The following PARP15 variants were observed in gnomAD, a reference collection of about 807,000 sequenced individuals.
PARP15 encodes protein mono-ADP-ribosyltransferase PARP15.
Under a neutral mutation model 62.1 loss-of-function variants are expected in PARP15, and 50 were observed. The ratio of observed to expected loss-of-function variants is 0.81; its 90% CI spans 0.64 to 1.02. PARP15 has a LOEUF of 1.02. Among genes scored for constraint, PARP15 ranks in the 50% least tolerant of loss-of-function variants. The probability of loss-of-function intolerance (pLI) is 0.00; values close to 1 mark genes in which losing one functional copy is unlikely to be tolerated. For missense variants in PARP15, 820 were observed against 826.5 expected (o/e 0.99, Z 0.10); for synonymous variants, 309 against 293.1 (o/e 1.05, Z -0.55).
chr3:122,577,819 G>A lies in PARP15; in HGVS notation c.152G>A (p.Arg51Gln), dbSNP rs146685706. Residue 51 changes from arginine to glutamine, a missense_variant, in exon 1 of 12, where the codon CGG (arginine) becomes CAG (glutamine). Around this residue, in one of 3 missense-constraint regions of PARP15, gnomAD observed 731 missense variants for 727.7 expected, o/e 1.00. Transcript: ENST00000464300. ...CTGCCGGCCGGGAACCGTGGGGCGC[G>A]GAAGGCCTCCCGGCGCTCTTCCTCC... The part of the protein sequence containing the change: ...SVLPAGNRGA[R>Q]KASRRSSSRS... 4 of 1,550,644 alleles carry A rather than the reference G, an allele frequency of 2.6e-6. No individual in the cohort carries two copies. Among genetic ancestry groups the A allele is most frequent in the African/African-American group, 1.4e-5 (1 of 73,112 alleles).
chr3:122,627,061 C>T (rs1349013756), intron 9 of PARP15, 28 bp downstream of exon 9: 3 of 1,534,482 alleles, frequency 2.0e-6, no homozygotes, highest in South Asian at 1.2e-5. Flanking sequence ...TAAAAATCAC[C>T]CTGCTGGCTC....
rs1169555747 is a variant in PARP15 at position 122,593,384 on chromosome 3, C to T, written c.187-12552C>T. 4.6e-5 allele frequency among the ~76,000 whole-genome samples: 7 copies of T among 152,226 alleles called. No individual in the cohort carries two copies. The South Asian group carries it at 8.3e-4, about 18-fold the overall frequency. On this transcript the variant is annotated intron_variant, in intron 1 of 11. Coordinates refer to ENST00000464300, the MANE Select transcript of PARP15 (RefSeq NM_001113523.3). Reference sequence around the variant, plus strand: ...CTCGAATTCCTGATCTCAAGTGATCCACCCACCTCAGCCTCCCAAAGTGTT... The same window carrying T: ...CTCGAATTCCTGATCTCAAGTGATCTACCCACCTCAGCCTCCCAAAGTGTT...
At chr3:122,579,999 G>GTATGTATATATATA (rs1553725411) in intron 1 of PARP15, among the ~76,000 whole-genome samples, 16 of 64,458 alleles carry the variant, frequency 2.5e-4, no homozygotes, top group African/African-American at 7.9e-4. Flanking sequence ...GCAACTATAT[G>GTATGTATATATATA]TATATATATA....
Position 122,635,977 on chromosome 3 carries a change from G to A in PARP15, c.1914G>A (p.Lys638=). The change falls in exon 12 of 12, where the codon AAG becomes AAA. Residue 638 remains lysine, a synonymous_variant. Coordinates refer to ENST00000464300, the MANE Select transcript of PARP15 (RefSeq NM_001113523.3). ...CAGGATTAGTCACCCCTCCACCCAA[G>A]AATCCTCACAATCCCACAGATCTCT... The part of the protein sequence containing the change: ...GRAGLVTPPP[K]NPHNPTDLFD... The A allele has an allele frequency of 6.2e-7, 1 of 1,614,052 alleles. No individual in the cohort carries two copies. Among genetic ancestry groups the A allele is most frequent in the Non-Finnish European group, 8.5e-7 (1 of 1,179,986 alleles).
Position 122,636,052 on chromosome 3 carries a change from C to T in PARP15, c.1989C>T (p.Phe663=), listed in dbSNP as rs987593699. 2.5e-6 allele frequency: 4 copies of T among 1,613,840 alleles called. No homozygotes were observed. The highest frequency in any genetic ancestry group is 2.2e-5 in the East Asian group (1 of 44,886). The change falls in exon 12 of 12, where the codon TTC becomes TTT. Residue 663 remains phenylalanine (F), a synonymous_variant. Coordinates refer to ENST00000464300, the MANE Select transcript of PARP15 (RefSeq NM_001113523.3). ...GATCTCCAAAGCTATTTGTGGTATT[C>T]TTTGATAATCAGGCTTACCCAGAAT... ...NTRSPKLFVV[F]FDNQAYPEYL...
intron 1 of PARP15, among the ~76,000 whole-genome samples, chr3:122,592,351 A>G (rs1219320481): frequency 2.6e-5 from 4 of 152,198 alleles, no homozygotes; most frequent in Non-Finnish European, 5.9e-5. Flanking sequence ...AGAAAACCAA[A>G]CACCACATGT....
intron 1 of PARP15, among the ~76,000 whole-genome samples, chr3:122,585,462 C>T (rs1933345374): frequency 6.6e-6 from 1 of 152,166 alleles, no homozygotes; most frequent in Non-Finnish European, 1.5e-5. Flanking sequence ...TGACTGGATC[C>T]TGTTATGGAG....
chr3:122,628,947 A>C, intron 9 of PARP15, among the ~76,000 whole-genome samples: 1 of 152,236 alleles, frequency 6.6e-6, no homozygotes, highest in East Asian at 1.9e-4. Context: ...ATTTGTGCAG[A>C]TGATACACAA....
chr3:122,581,422 T>G (rs1017081557), intron 1 of PARP15, among the ~76,000 whole-genome samples: 1 of 152,202 alleles, frequency 6.6e-6, no homozygotes, highest in African/African-American at 2.4e-5. Context: ...CCTTTCCTTT[T>G]CTTTCACAGC....
chr3:122,608,302 G>A (rs1245772553), intron 2 of PARP15, among the ~76,000 whole-genome samples: 3 of 127,724 alleles, frequency 2.3e-5, no homozygotes, highest in Non-Finnish European at 3.2e-5. Flanking sequence ...TACAACCTCC[G>A]CCTCCTGGGT....
intron 1 of PARP15, among the ~76,000 whole-genome samples, chr3:122,589,149 C>G (rs2107814232): frequency 6.6e-6 from 1 of 152,278 alleles, no homozygotes; most frequent in South Asian, 2.1e-4. Context: ...ATCAGGGTCC[C>G]AGCATGGTAG....
chr3:122,607,882 C>A (rs576185789), intron 2 of PARP15, among the ~76,000 whole-genome samples: 1 of 152,194 alleles, frequency 6.6e-6, no homozygotes, highest in Admixed American at 6.5e-5. Context: ...ATTGTCTACC[C>A]GTGTTTCGGT....
intron 11 of PARP15, 45 bp from the exon 12 acceptor site, chr3:122,635,766 T>G: frequency 6.4e-7 from 1 of 1,569,960 alleles, no homozygotes; most frequent in Non-Finnish European, 8.6e-7. Flanking sequence ...CTACACATTG[T>G]GTAATTTTAT....
At chr3:122,622,396 G>A (rs754848210) in intron 8 of PARP15, among the ~76,000 whole-genome samples, 3 of 152,066 alleles carry the variant, frequency 2.0e-5, no homozygotes, top group Non-Finnish European at 4.4e-5. Context: ...GTGCCATGAC[G>A]CTCCCAGCTG....
intron 8 of PARP15, among the ~76,000 whole-genome samples, chr3:122,623,920 G>A (rs1402853979): frequency 6.6e-6 from 1 of 152,152 alleles, no homozygotes; most frequent in Non-Finnish European, 1.5e-5. Context: ...GAGGCGGGTG[G>A]ATCACTTGAT....
intron 2 of PARP15, 55 bp downstream of exon 2, chr3:122,606,110 G>A: frequency 1.3e-6 from 2 of 1,487,430 alleles, no homozygotes; most frequent in South Asian, 1.3e-5. Flanking sequence ...TATTTAACTT[G>A]TTCTGTGAGT....
chr3:122,583,829 G>C (rs1161574831), intron 1 of PARP15, among the ~76,000 whole-genome samples: 1 of 152,082 alleles, frequency 6.6e-6, no homozygotes, highest in African/African-American at 2.4e-5. Flanking sequence ...GACTCAAGGG[G>C]GATCCTCTGT....
intron 1 of PARP15, among the ~76,000 whole-genome samples, chr3:122,581,865 T>C (rs1390076089): frequency 6.6e-6 from 1 of 152,248 alleles, no homozygotes; most frequent in Non-Finnish European, 1.5e-5. Context: ...ATATGTCTTC[T>C]TTATGCCAGT....
intron 1 of PARP15, among the ~76,000 whole-genome samples, chr3:122,598,023 A>G (rs749384843): frequency 4.6e-5 from 7 of 152,182 alleles, no homozygotes; most frequent in Non-Finnish European, 8.8e-5. Flanking sequence ...AATATTTTCA[A>G]TCAATGGTTG....
Sources: allele counts gnomAD v4.1 joint callset (sites outside exome capture counted in the v4.1 genomes callset), GRCh38; gene constraint gnomAD v4.1.1; regional missense constraint gnomAD v4.1.1; transcripts MANE v1.5; gene names NCBI Gene and HGNC (gene_info 2026-07-23, HGNC 2026-07-21).